The following ANO6 variants were observed in gnomAD, a reference collection of about 807,000 sequenced individuals.
The protein encoded by ANO6 is anoctamin-6.
In ANO6, 106 loss-of-function variants were observed where a neutral mutation model predicts 117.5. The observed-to-expected ratio is 0.90, with a 90% confidence interval of 0.77 to 1.06. ANO6 has a LOEUF of 1.06. ANO6 is among the 50% of genes least tolerant of loss of function. The pLI is 0.00. For missense variants in ANO6, 955 were observed against 1,121.1 expected (o/e 0.85, Z 2.12); for synonymous variants, 367 against 385.1 (o/e 0.95, Z 0.55).
intron 1 of ANO6, among the ~76,000 whole-genome samples, chr12:45,225,911 A>G (rs1387068324): frequency 6.6e-6 from 1 of 152,240 alleles, no homozygotes; most frequent in Non-Finnish European, 1.5e-5. Flanking sequence ...AGCCAACGAA[A>G]TGTACTACTC....
At chr12:45,275,173 C>T (rs74439481) in intron 1 of ANO6, among the ~76,000 whole-genome samples, 2,636 of 152,016 alleles carry the variant, frequency 0.017, 54 homozygotes, top group East Asian at 0.085. Flanking sequence ...GATCCGTCTC[C>T]ATCTCTTACC....
chr12:45,357,549 T>C (rs189173658), intron 8 of ANO6, 125 bp downstream of exon 8: 24 of 1,251,842 alleles, frequency 1.9e-5, no homozygotes, highest in Middle Eastern at 2.6e-4. Context: ...TGGGATGATA[T>C]ATCCCTTTTG....
At chr12:45,407,392 T>A (rs74080888) in intron 15 of ANO6, among the ~76,000 whole-genome samples, 2,505 of 143,102 alleles carry the variant, frequency 0.018, 67 homozygotes, top group African/African-American at 0.06. Flanking sequence ...CAAAGCAAAG[T>A]ATAAACAAAT....
intron 1 of ANO6, among the ~76,000 whole-genome samples, chr12:45,276,792 C>T (rs1382945494): frequency 3.3e-5 from 5 of 152,060 alleles, no homozygotes; most frequent in Admixed American, 6.6e-5. Flanking sequence ...GTGATTCTTA[C>T]GTTTATATGT....
chr12:45,401,800 A>G lies in ANO6; in HGVS notation c.1392A>G (p.Leu464=), dbSNP rs1398576416. ...LCASAVFFWI[L]LIIASVIGII... ...TGTGTTTGTTGTGCTTTCAGATCCT[A>G]TTGATCATCGCTTCAGTTATTGGGA... The change falls in exon 13 of 20, where the codon CTA becomes CTG. Residue 464 remains leucine (L), a synonymous_variant. Transcript: ENST00000320560. The G allele has an allele frequency of 1.9e-6, 3 of 1,612,206 alleles. No individual in the cohort carries two copies. Among genetic ancestry groups the G allele is most frequent in the Non-Finnish European group, 2.5e-6 (3 of 1,179,572 alleles).
chr12:45,396,074 A>C (rs2137605377), intron 12 of ANO6, among the ~76,000 whole-genome samples: 1 of 152,320 alleles, frequency 6.6e-6, no homozygotes, highest in Admixed American at 6.5e-5. Flanking sequence ...AGATGACATG[A>C]TTTTATATTT....
At chr12:45,360,958 G>T (rs891039113) in intron 8 of ANO6, among the ~76,000 whole-genome samples, 1 of 152,156 alleles carries the variant, frequency 6.6e-6, no homozygotes, top group Non-Finnish European at 1.5e-5. Context: ...TTTTATGCAA[G>T]TACCACACTT....
chr12:45,329,237 T>G (rs1340766802), intron 2 of ANO6, among the ~76,000 whole-genome samples: 2 of 152,180 alleles, frequency 1.3e-5, no homozygotes, highest in Non-Finnish European at 2.9e-5. Context: ...ACATATTCTT[T>G]CCAGGCTAGT....
intron 10 of ANO6, among the ~76,000 whole-genome samples, chr12:45,387,488 A>C (rs768405457): frequency 6.6e-5 from 10 of 152,172 alleles, no homozygotes; most frequent in Non-Finnish European, 1.3e-4. Flanking sequence ...AACTGTGATC[A>C]TTATTTGTGT....
intron 19 of ANO6, among the ~76,000 whole-genome samples, chr12:45,439,411 G>A (rs1943744986): frequency 6.6e-6 from 1 of 152,136 alleles, no homozygotes; most frequent in African/African-American, 2.4e-5. Context: ...ATTCCCATCT[G>A]GTCTGCCCAG....
At chr12:45,317,049 G>A (rs1223077039) in intron 2 of ANO6, among the ~76,000 whole-genome samples, 1 of 141,920 alleles carries the variant, frequency 7.0e-6, no homozygotes, top group East Asian at 2.1e-4. Flanking sequence ...ACAGTAAGAA[G>A]GGTATCATTT....
Position 45,221,618 on chromosome 12 carries a change from G to C in ANO6, c.70+5227G>C, listed in dbSNP as rs116975806. Among the ~76,000 whole-genome samples the C allele has an allele frequency of 4.2e-4, 64 of 152,282 alleles. 3 individuals are homozygous for C. In the South Asian group the frequency reaches 0.013, roughly 30 times the overall value. ...TCCATGGTAGCACGTTCTAAAATGG[G>C]TTGGGAAAGGAGACAGTAGAGCTAA... On this transcript the variant is annotated intron_variant, in intron 1 of 19. Transcript: ENST00000320560.
chr12:45,310,003 T>C (rs1433635912), intron 2 of ANO6, among the ~76,000 whole-genome samples: 2 of 152,134 alleles, frequency 1.3e-5, no homozygotes, highest in Non-Finnish European at 2.9e-5. Flanking sequence ...GTGGTAGGAA[T>C]TCACATGGCA....
At chr12:45,255,041 TAA>T (rs1592878096) in intron 1 of ANO6, among the ~76,000 whole-genome samples, 1 of 152,242 alleles carries the variant, frequency 6.6e-6, no homozygotes, top group African/African-American at 2.4e-5. Flanking sequence ...CTAAAAGAAT[TAA>T]GTTACCATAA....
intron 1 of ANO6, among the ~76,000 whole-genome samples, chr12:45,282,844 A>G (rs1565663285): frequency 6.6e-6 from 1 of 152,242 alleles, no homozygotes; most frequent in South Asian, 2.1e-4. Context: ...CCATAATTGC[A>G]TTCTCTCATA....
intron 2 of ANO6, among the ~76,000 whole-genome samples, chr12:45,308,047 AAT>A (rs1491308854): frequency 8.4e-4 from 15 of 17,944 alleles, no homozygotes; most frequent in African/African-American, 1.5e-3. Flanking sequence ...GTGTGTGTGT[AAT>A]TTTTTTTTTT....
At chr12:45,367,894 TTAAGA>T in intron 9 of ANO6, 101 bp downstream of exon 9, 1 of 872,390 alleles carries the variant, frequency 1.1e-6, no homozygotes. Context: ...CTCTGAGGAA[TTAAGA>T]TATTTTTCAA....
chr12:45,230,654 T>C (rs1947560518), intron 1 of ANO6, among the ~76,000 whole-genome samples: 1 of 151,982 alleles, frequency 6.6e-6, no homozygotes, highest in Admixed American at 6.6e-5. Context: ...AGGTTCATAA[T>C]AGAATCAGAT....
chr12:45,359,152 T>A (rs1206507783), intron 8 of ANO6, among the ~76,000 whole-genome samples: 2 of 152,238 alleles, frequency 1.3e-5, no homozygotes, highest in East Asian at 1.9e-4. Flanking sequence ...TGACCTTTTT[T>A]AAAGTGCACA....
Sources: gnomAD v4.1 joint callset for allele counts (sites outside exome capture counted in the v4.1 genomes callset) on GRCh38, gnomAD v4.1.1 for gene constraint, MANE v1.5 for transcripts, NCBI Gene and HGNC (gene_info 2026-07-23, HGNC 2026-07-21) for gene names.